The following THEMIS variants were observed in gnomAD, a reference collection of about 807,000 sequenced individuals.
The protein encoded by THEMIS is thymocyte selection associated.
Under a neutral mutation model 52.6 loss-of-function variants are expected in THEMIS, and 37 were observed. The ratio of observed to expected loss-of-function variants is 0.70; its 90% CI spans 0.54 to 0.93. The LOEUF is 0.93. Ranked by LOEUF, THEMIS falls within the 40% of genes least tolerant of loss-of-function variation. The probability of loss-of-function intolerance (pLI) is 0.00; values close to 1 mark genes in which losing one functional copy is unlikely to be tolerated. For missense variants in THEMIS, 808 were observed against 763.1 expected (o/e 1.06, Z -0.69); for synonymous variants, 292 against 272.7 (o/e 1.07, Z -0.70).
At chr6:127,794,479 C>G (rs1777260666) in intron 4 of THEMIS, among the ~76,000 whole-genome samples, 1 of 152,146 alleles carries the variant, frequency 6.6e-6, no homozygotes, top group Non-Finnish European at 1.5e-5. Context: ...AATATTTCAG[C>G]CTTCTGACCT....
chr6:127,731,658 G>C (rs982213756), intron 4 of THEMIS, among the ~76,000 whole-genome samples: 12 of 127,068 alleles, frequency 9.4e-5, no homozygotes, highest in African/African-American at 3.6e-4. Context: ...AAGAACCATT[G>C]TACTTCCATA....
chr6:127,857,714 A>G (rs760987339), intron 1 of THEMIS, among the ~76,000 whole-genome samples: 1 of 152,030 alleles, frequency 6.6e-6, no homozygotes, highest in Non-Finnish European at 1.5e-5. Context: ...CCCCAGACCT[A>G]CTGAATCAGA....
At chr6:127,752,307 G>C (rs1317551950) in intron 4 of THEMIS, among the ~76,000 whole-genome samples, 2 of 141,542 alleles carry the variant, frequency 1.4e-5, no homozygotes, top group Non-Finnish European at 3.1e-5. Context: ...AAATGAATTA[G>C]AACAGAAATA....
rs757892857 is a variant in THEMIS at position 127,719,818 on chromosome 6, A to G, written c.1764T>C (p.His588=). ...TVDLPKSPKR[H]HVDITKKLHP... ...GAAGTTTCTTGGTTATGTCTACGTG[A>G]TGACGCTGAAATGACACAGGTCACA... The change falls in exon 5 of 6, where the codon CAT becomes CAC. Residue 588 remains histidine, a synonymous_variant. Transcript: ENST00000368248. The G allele has an allele frequency of 1.2e-6, 2 of 1,611,836 alleles. No individual in the cohort carries two copies. The highest frequency in any genetic ancestry group is 1.7e-6 in the Non-Finnish European group (2 of 1,178,680).
chr6:127,853,314 T>C (rs955187891), intron 2 of THEMIS, among the ~76,000 whole-genome samples: 5 of 151,668 alleles, frequency 3.3e-5, no homozygotes, highest in African/African-American at 1.2e-4. Context: ...TCTTATAAAG[T>C]AATGGTTCTC....
intron 1 of THEMIS, among the ~76,000 whole-genome samples, chr6:127,893,846 G>A (rs923092133): frequency 2.0e-5 from 3 of 151,950 alleles, no homozygotes; most frequent in African/African-American, 7.2e-5. Context: ...CAAAGAATAT[G>A]TTTCCTTCCA....
chr6:127,901,168 T>G, upstream of THEMIS: 1 of 557,862 alleles, frequency 1.8e-6, no homozygotes, highest in Non-Finnish European at 3.2e-6. Context: ...TGGCTTCATT[T>G]CCTTCTGACA....
chr6:127,918,169 G>A (rs1375517913), intron 1 of THEMIS, among the ~76,000 whole-genome samples: 1 of 152,164 alleles, frequency 6.6e-6, no homozygotes, highest in African/African-American at 2.4e-5. Context: ...CCAAGGCACA[G>A]ACTTGCAACA....
chr6:127,800,724 T>G (rs1180039361), intron 4 of THEMIS, among the ~76,000 whole-genome samples: 1 of 151,974 alleles, frequency 6.6e-6, no homozygotes, highest in South Asian at 2.1e-4. Context: ...GGCAGAAAAA[T>G]GGGAAAGGGG....
intron 1 of THEMIS, among the ~76,000 whole-genome samples, chr6:127,858,601 A>G (rs554430247): frequency 1.3e-4 from 20 of 152,248 alleles, no homozygotes; most frequent in African/African-American, 4.8e-4. Flanking sequence ...AAAATATCCA[A>G]CTTTCATTAT....
intron 4 of THEMIS, among the ~76,000 whole-genome samples, chr6:127,764,793 C>T (rs1267888117): frequency 6.6e-6 from 1 of 151,922 alleles, no homozygotes; most frequent in Non-Finnish European, 1.5e-5. Context: ...TTTAACTCTG[C>T]TTTTCCTGAA....
At chr6:127,903,318 A>G (rs1489756208), upstream of THEMIS, among the ~76,000 whole-genome samples, 1 of 152,096 alleles carries the variant, frequency 6.6e-6, no homozygotes, top group East Asian at 1.9e-4. Flanking sequence ...TGAGTTCAAG[A>G]GTACTTGAAT....
chr6:127,721,665 C>T (rs1228613244), intron 4 of THEMIS, among the ~76,000 whole-genome samples: 2 of 151,988 alleles, frequency 1.3e-5, no homozygotes, highest in African/African-American at 2.4e-5. Flanking sequence ...AATATAAGCC[C>T]ATCACTGTAA....
chr6:127,715,301 T>A (rs1417847247), intron 5 of THEMIS, among the ~76,000 whole-genome samples: 1 of 151,914 alleles, frequency 6.6e-6, no homozygotes, highest in Non-Finnish European at 1.5e-5. Flanking sequence ...GATTTTTAAA[T>A]CATTGGTTAA....
intron 4 of THEMIS, among the ~76,000 whole-genome samples, chr6:127,739,567 G>T (rs1159418087): frequency 6.6e-6 from 1 of 152,148 alleles, no homozygotes; most frequent in African/African-American, 2.4e-5. Context: ...TGTGAACCCG[G>T]GAGGCGAGCT....
intron 4 of THEMIS, among the ~76,000 whole-genome samples, chr6:127,732,970 C>G (rs993308332): frequency 7.9e-5 from 12 of 152,166 alleles, no homozygotes; most frequent in African/African-American, 2.9e-4. Flanking sequence ...AGCAGTTTCT[C>G]CATATTCTTG....
intron 3 of THEMIS, among the ~76,000 whole-genome samples, chr6:127,814,284 T>G (rs1207924607): frequency 6.6e-6 from 1 of 152,208 alleles, no homozygotes; most frequent in Non-Finnish European, 1.5e-5. Flanking sequence ...TTATCATCCA[T>G]AACATACATG....
At chr6:127,773,661 G>A (rs1176755357) in intron 4 of THEMIS, among the ~76,000 whole-genome samples, 1 of 151,844 alleles carries the variant, frequency 6.6e-6, no homozygotes, top group African/African-American at 2.4e-5. Flanking sequence ...TTTGAAAAAA[G>A]CAACCTTAAT....
At chr6:127,697,112 C>T in the THEMIS span, among the ~76,000 whole-genome samples, 1 of 152,084 alleles carries the variant, frequency 6.6e-6, no homozygotes, top group Non-Finnish European at 1.5e-5. Flanking sequence ...GGCTAAAAGG[C>T]ATACAAAAAT....
Sources: gnomAD v4.1 joint callset for allele counts (sites outside exome capture counted in the v4.1 genomes callset) on GRCh38, gnomAD v4.1.1 for gene constraint, MANE v1.5 for transcripts, NCBI Gene and HGNC (gene_info 2026-07-23, HGNC 2026-07-21) for gene names.